The following TMEM132D variants were observed in gnomAD, a reference collection of about 807,000 sequenced individuals.
The protein encoded by TMEM132D is transmembrane protein 132D, also known as mature OL transmembrane protein.
A neutral mutation model predicts 62.3 loss-of-function variants in TMEM132D; 21 were observed. The ratio of observed to expected loss-of-function variants is 0.34; its 90% confidence interval spans 0.24 to 0.49. The LOEUF is 0.49. Among genes scored for constraint, TMEM132D ranks in the 20% least tolerant of loss-of-function variants. The pLI is 0.99. For synonymous variants in TMEM132D, 621 were observed against 575.6 expected (o/e 1.08, Z -1.13); for missense variants, 1,346 against 1,402.8 (o/e 0.96, Z 0.65).
chr12:129,419,220 C>T (rs1872223855), intron 3 of TMEM132D, among the ~76,000 whole-genome samples: 1 of 152,138 alleles, frequency 6.6e-6, no homozygotes, highest in African/African-American at 2.4e-5. Context: ...GGGTGGGACT[C>T]AGGCTGTCTC....
chr12:129,799,101 C>T lies in TMEM132D; in HGVS notation c.80-98403G>A, dbSNP rs1028202986. On this transcript the variant is annotated intron_variant, in intron 1 of 8. Coordinates refer to ENST00000422113, the MANE Select transcript of TMEM132D (RefSeq NM_133448.3). Reference sequence around the variant, plus strand: ...CCAACACAGTGAAACCCCGTCTCTACTAAATATACAAAAATTAGCTGGGTG... The same window carrying T: ...CCAACACAGTGAAACCCCGTCTCTATTAAATATACAAAAATTAGCTGGGTG... Among the ~76,000 whole-genome samples the T allele has an allele frequency of 4.7e-4, 71 of 152,106 alleles. 1 individual carries two copies. Among genetic ancestry groups the T allele is most frequent in the African/African-American group, 1.7e-3 (70 of 41,500 alleles).
At chr12:129,560,416 A>G (rs1410822982) in intron 2 of TMEM132D, among the ~76,000 whole-genome samples, 1 of 151,662 alleles carries the variant, frequency 6.6e-6, no homozygotes, top group Non-Finnish European at 1.5e-5. Flanking sequence ...ACAGGTGTGC[A>G]CCACTACCAC....
At chr12:129,438,854 C>T (rs140697697) in intron 3 of TMEM132D, among the ~76,000 whole-genome samples, 26 of 152,228 alleles carry the variant, frequency 1.7e-4, no homozygotes, top group South Asian at 1.7e-3. Flanking sequence ...GCAAACAAAA[C>T]ATGAAAAGGA....
chr12:129,508,573 G>C (rs544939514), intron 3 of TMEM132D, among the ~76,000 whole-genome samples: 1 of 152,210 alleles, frequency 6.6e-6, no homozygotes, highest in Non-Finnish European at 1.5e-5. Context: ...CCTGCCTCAT[G>C]ACCGTAGGAA....
intron 1 of TMEM132D, among the ~76,000 whole-genome samples, chr12:129,866,570 T>C (rs1275699175): frequency 6.6e-6 from 1 of 151,306 alleles, no homozygotes; most frequent in Non-Finnish European, 1.5e-5. Flanking sequence ...TGTGCACATG[T>C]ACCCTAGAAC....
intron 2 of TMEM132D, among the ~76,000 whole-genome samples, chr12:129,537,073 T>G (rs1279733856): frequency 6.7e-6 from 1 of 148,628 alleles, no homozygotes. Context: ...GACGGGAGAA[T>G]TGCTTGAACC....
At chr12:129,304,117 G>A (rs1764767662) in intron 4 of TMEM132D, among the ~76,000 whole-genome samples, 1 of 152,204 alleles carries the variant, frequency 6.6e-6, no homozygotes, top group Non-Finnish European at 1.5e-5. Context: ...CCGACTATCT[G>A]GCTATCCGTG....
chr12:129,705,915 A>G (rs538225421), intron 1 of TMEM132D, among the ~76,000 whole-genome samples: 1 of 152,296 alleles, frequency 6.6e-6, no homozygotes, highest in Non-Finnish European at 1.5e-5. Context: ...TTGTATCTTC[A>G]TAAGAGATAT....
intron 3 of TMEM132D, among the ~76,000 whole-genome samples, chr12:129,349,406 G>T (rs187521985): frequency 6.6e-6 from 1 of 152,236 alleles, no homozygotes; most frequent in Non-Finnish European, 1.5e-5. Context: ...AAGTAGCTTT[G>T]TGCACCAAGG....
At chr12:129,771,405 C>A (rs1870748156) in intron 1 of TMEM132D, among the ~76,000 whole-genome samples, 1 of 152,170 alleles carries the variant, frequency 6.6e-6, no homozygotes, top group African/African-American at 2.4e-5. Flanking sequence ...AGCTGCTTCA[C>A]CTGTGCTGGG....
chr12:129,775,264 C>T (rs1050447441), intron 1 of TMEM132D, among the ~76,000 whole-genome samples: 1 of 152,202 alleles, frequency 6.6e-6, no homozygotes, highest in Non-Finnish European at 1.5e-5. Context: ...TCCTGATTTT[C>T]TGCAAGTAAG....
chr12:129,358,504 A>C (rs762319080), intron 3 of TMEM132D, among the ~76,000 whole-genome samples: 1 of 152,202 alleles, frequency 6.6e-6, no homozygotes, highest in African/African-American at 2.4e-5. Flanking sequence ...GAAAATTGGC[A>C]GACACCACAA....
At chr12:129,507,583 A>G (rs889859238) in intron 3 of TMEM132D, among the ~76,000 whole-genome samples, 6 of 152,180 alleles carry the variant, frequency 3.9e-5, no homozygotes, top group African/African-American at 1.4e-4. Context: ...TGGAGACTAC[A>G]ATTCTAAGTG....
chr12:129,900,446 G>A (rs1318578578), intron 1 of TMEM132D, among the ~76,000 whole-genome samples: 2 of 152,160 alleles, frequency 1.3e-5, no homozygotes, highest in Non-Finnish European at 2.9e-5. Context: ...CGTGCCCAGC[G>A]CCACCCTAGG....
intron 4 of TMEM132D, among the ~76,000 whole-genome samples, chr12:129,290,256 C>T (rs1035451812): frequency 6.6e-6 from 1 of 152,068 alleles, no homozygotes; most frequent in Non-Finnish European, 1.5e-5. Context: ...GAGGTGGGAG[C>T]ATCTTGAAAT....
chr12:129,106,783 G>A (rs1875515166), intron 5 of TMEM132D, among the ~76,000 whole-genome samples: 1 of 152,168 alleles, frequency 6.6e-6, no homozygotes, highest in Admixed American at 6.5e-5. Context: ...AAACACTTAA[G>A]AGCCAGTGCA....
chr12:129,732,932 C>A (rs536473945), intron 1 of TMEM132D, among the ~76,000 whole-genome samples: 4 of 152,248 alleles, frequency 2.6e-5, no homozygotes, highest in South Asian at 4.1e-4. Flanking sequence ...CTCTGGACAC[C>A]AAGGCTCCAG....
At chr12:129,505,233 G>T (rs896454817) in intron 3 of TMEM132D, among the ~76,000 whole-genome samples, 28 of 142,168 alleles carry the variant, frequency 2.0e-4, no homozygotes, top group African/African-American at 7.2e-4. Context: ...AAGTCCATTT[G>T]TTCCAGGGTA....
intron 1 of TMEM132D, among the ~76,000 whole-genome samples, chr12:129,885,292 C>A (rs984763709): frequency 1.3e-5 from 2 of 152,222 alleles, no homozygotes; most frequent in African/African-American, 2.4e-5. Flanking sequence ...ATTAGCCTGA[C>A]TTTCTCCACT....
Sources: gnomAD v4.1 joint callset for allele counts (sites outside exome capture counted in the v4.1 genomes callset) on GRCh38, gnomAD v4.1.1 for gene constraint, MANE v1.5 for transcripts, NCBI Gene and HGNC (gene_info 2026-07-23, HGNC 2026-07-21) for gene names.